The following PACSIN1 variants were observed in gnomAD, a reference collection of about 807,000 sequenced individuals.
The protein encoded by PACSIN1 is protein kinase C and casein kinase substrate in neurons 1.
Under a neutral mutation model 59.5 loss-of-function variants are expected in PACSIN1, and 15 were observed. The observed-to-expected ratio is 0.25, with a 90% confidence interval of 0.17 to 0.39. PACSIN1 has a LOEUF of 0.39. Ranked by LOEUF, PACSIN1 falls within the 10% of genes least tolerant of loss-of-function variation. The pLI is 1.00. For missense variants in PACSIN1, 420 were observed against 580.2 expected (o/e 0.72, Z 2.84); for synonymous variants, 210 against 220.6 (o/e 0.95, Z 0.42).
intron 1 of PACSIN1, among the ~76,000 whole-genome samples, chr6:34,508,277 G>A (rs1332553803): frequency 6.6e-6 from 1 of 151,990 alleles, no homozygotes; most frequent in Non-Finnish European, 1.5e-5. Context: ...CCAATTTTTT[G>A]TATTCTTAGT....
intron 1 of PACSIN1, among the ~76,000 whole-genome samples, chr6:34,471,296 G>A (rs1408540381): frequency 6.6e-6 from 1 of 152,226 alleles, no homozygotes; most frequent in Non-Finnish European, 1.5e-5. Context: ...GGGTAGGGAG[G>A]AGTGGAGAGA....
At chr6:34,487,943 A>T (rs1205432328) in intron 1 of PACSIN1, among the ~76,000 whole-genome samples, 1 of 151,816 alleles carries the variant, frequency 6.6e-6, no homozygotes, top group Non-Finnish European at 1.5e-5. Context: ...AATTCATCCC[A>T]CCTGGGAACA....
intron 1 of PACSIN1, among the ~76,000 whole-genome samples, chr6:34,483,001 C>CTTTTT (rs34111587): frequency 8.9e-6 from 1 of 112,016 alleles, no homozygotes; most frequent in Non-Finnish European, 1.7e-5. Flanking sequence ...CCATGTTTAA[C>CTTTTT]TTTTTTTTTT....
intron 1 of PACSIN1, among the ~76,000 whole-genome samples, chr6:34,504,645 A>G (rs1269342062): frequency 2.0e-5 from 3 of 152,292 alleles, no homozygotes; most frequent in East Asian, 3.9e-4. Flanking sequence ...GCTCAAGAGA[A>G]GGAAAGTTGA....
At chr6:34,466,818 A>G (rs1766503833) in intron 1 of PACSIN1, among the ~76,000 whole-genome samples, 1 of 152,192 alleles carries the variant, frequency 6.6e-6, no homozygotes, top group African/African-American at 2.4e-5. Context: ...AAGGCCCCGC[A>G]GATACAGAAG....
chr6:34,520,144 A>C (rs1767362840), intron 1 of PACSIN1, among the ~76,000 whole-genome samples: 1 of 152,030 alleles, frequency 6.6e-6, no homozygotes, highest in Non-Finnish European at 1.5e-5. Flanking sequence ...ACATGAGCAA[A>C]GGGGCAGAGG....
At chr6:34,485,964 G>A (rs1373242121) in intron 1 of PACSIN1, among the ~76,000 whole-genome samples, 1 of 152,172 alleles carries the variant, frequency 6.6e-6, no homozygotes, top group Non-Finnish European at 1.5e-5. Context: ...ACCAGAGGGA[G>A]GAGACACATG....
At chr6:34,491,770 C>G (rs1172314064) in intron 1 of PACSIN1, among the ~76,000 whole-genome samples, 1 of 152,070 alleles carries the variant, frequency 6.6e-6, no homozygotes, top group African/African-American at 2.4e-5. Flanking sequence ...CGCCAACATG[C>G]CCAGCTAATT....
rs746912833 is a variant in PACSIN1 at position 34,529,561 on chromosome 6, G to A, written c.612+9G>A. ...AGCAGGATGTGCAGAAGGTGCTGGC[G>A]GGCAGGGATGGCAGTAGGGGGTCTG... On this transcript the variant is annotated intron_variant, in intron 5 of 9. Coordinates refer to ENST00000244458, the MANE Select transcript of PACSIN1 (RefSeq NM_020804.5). This position sits in a 1 kb window ranked among gnomAD's most constrained non-coding sequence, Gnocchi z 6.3. The A allele has an allele frequency of 6.2e-6, 10 of 1,613,882 alleles. No individual in the cohort carries two copies. Among genetic ancestry groups the A allele is most frequent in the African/African-American group, 2.7e-5 (2 of 74,888 alleles).
At chr6:34,498,155 G>A (rs1035318473) in intron 1 of PACSIN1, among the ~76,000 whole-genome samples, 2 of 152,064 alleles carry the variant, frequency 1.3e-5, no homozygotes, top group Admixed American at 6.5e-5. Flanking sequence ...TCTGCCTCCC[G>A]GGTTCAAGTG....
At chr6:34,480,257 C>G (rs1382687571) in intron 1 of PACSIN1, among the ~76,000 whole-genome samples, 1 of 142,344 alleles carries the variant, frequency 7.0e-6, no homozygotes, top group Non-Finnish European at 1.5e-5. Flanking sequence ...AAGGATCTCA[C>G]TCTGTCACCC....
At chr6:34,492,342 G>A (rs1392613447) in intron 1 of PACSIN1, among the ~76,000 whole-genome samples, 2 of 151,350 alleles carry the variant, frequency 1.3e-5, no homozygotes, top group Non-Finnish European at 2.9e-5. Flanking sequence ...CCTAGTAGCT[G>A]TAGCTACAGG....
At position 34,525,203 on chromosome 6, in the gene PACSIN1, T is replaced by C. The variant is rs1159162129; in HGVS notation, c.-63-1040T>C. 6.6e-6 allele frequency among the ~76,000 whole-genome samples: 1 copy of C among 152,236 alleles called. No homozygotes were observed. The highest frequency in any genetic ancestry group is 2.4e-5 in the African/African-American group (1 of 41,458). ...GCGTGAGTTTATGGGAAAGTCTGTCTGTGGTTCTTCTAAAAGGGAGGGAAC... is the reference window on the plus strand; with the variant it reads ...GCGTGAGTTTATGGGAAAGTCTGTCCGTGGTTCTTCTAAAAGGGAGGGAAC... On this transcript the variant is annotated intron_variant, in intron 1 of 9. Coordinates refer to ENST00000244458, the MANE Select transcript of PACSIN1 (RefSeq NM_020804.5). The surrounding 1 kb of genome is among the most constrained non-coding windows in gnomAD (Gnocchi z 4.9).
chr6:34,474,407 C>T (rs1298520295), intron 1 of PACSIN1, among the ~76,000 whole-genome samples: 1 of 152,158 alleles, frequency 6.6e-6, no homozygotes, highest in Non-Finnish European at 1.5e-5. Context: ...GCCTCACCAG[C>T]CAAAGGTCCT....
intron 1 of PACSIN1, among the ~76,000 whole-genome samples, chr6:34,479,754 T>A (rs1766689365): frequency 7.0e-6 from 1 of 142,672 alleles, no homozygotes; most frequent in Admixed American, 7.0e-5. Context: ...CCACACTTGG[T>A]TTTTTTGAAT....
intron 1 of PACSIN1, among the ~76,000 whole-genome samples, chr6:34,481,844 G>T (rs1766724560): frequency 6.6e-6 from 1 of 152,058 alleles, no homozygotes; most frequent in South Asian, 2.1e-4. Context: ...AAATGTACAT[G>T]TCAGTGGCTT....
At chr6:34,505,527 C>CTT (rs35006388) in intron 1 of PACSIN1, among the ~76,000 whole-genome samples, 8 of 109,070 alleles carry the variant, frequency 7.3e-5, no homozygotes, top group Non-Finnish European at 1.6e-4. Context: ...CCTTTTCTTT[C>CTT]TTTTTTTTTT....
Position 34,515,776 on chromosome 6 carries a change from G to A in PACSIN1, c.-63-10467G>A, listed in dbSNP as rs143316602. Among the ~76,000 whole-genome samples the A allele has an allele frequency of 2.8e-3, 419 of 152,320 alleles. 11 individuals carry two copies. The East Asian group carries it at 0.069, about 25-fold the overall frequency. ...CTCTGATGGGGTGGGAGTGCCTGTG[G>A]CCCTCCCTCCTGCGCTCCCTGTCCC... On this transcript the variant is annotated intron_variant, in intron 1 of 9. Coordinates refer to ENST00000244458, the MANE Select transcript of PACSIN1 (RefSeq NM_020804.5). This position sits in a 1 kb window ranked among gnomAD's most constrained non-coding sequence, Gnocchi z 4.4.
chr6:34,477,479 G>A (rs1766655770), intron 1 of PACSIN1, among the ~76,000 whole-genome samples: 1 of 152,164 alleles, frequency 6.6e-6, no homozygotes, highest in Non-Finnish European at 1.5e-5. Context: ...GCAGGGAACA[G>A]GCATTCCCTG....
Sources: gnomAD v4.1 joint callset for allele counts (sites outside exome capture counted in the v4.1 genomes callset) on GRCh38, gnomAD v4.1.1 for gene constraint, Gnocchi (gnomAD v3.1) non-coding constraint, MANE v1.5 for transcripts, NCBI Gene and HGNC (gene_info 2026-07-23, HGNC 2026-07-21) for gene names.